Variants in PSTPIP1 observed in about 807,000 individuals in gnomAD.
PSTPIP1 encodes proline-serine-threonine phosphatase interacting protein 1, also known as proline-serine-threonine phosphatase-interacting protein 1.
PSTPIP1 carries 66 observed loss-of-function variants against 69.6 expected under a neutral mutation model. That is an observed-to-expected ratio of 0.95 (90% CI 0.78 to 1.16). The LOEUF is 1.16. Among genes scored for constraint, PSTPIP1 ranks in the 50% most tolerant of loss-of-function variants. The probability of loss-of-function intolerance (pLI) is 0.00; values close to 1 mark genes in which losing one functional copy is unlikely to be tolerated. For missense variants in PSTPIP1, 603 were observed against 557.4 expected, an observed-to-expected ratio of 1.08 and a Z score of -0.82; for synonymous variants, 266 against 222.7, an observed-to-expected ratio of 1.19 and a Z score of -1.73.
chr15:77,029,430 AG>A, intron 7 of PSTPIP1, 98 bp from the exon 8 acceptor site: 1 of 1,396,580 alleles, frequency 7.2e-7, no homozygotes, highest in Non-Finnish European at 9.9e-7. Context: ...TGTTCCCCCC[AG>A]GGTGGCCGGG....
chr15:77,000,488 CACACACACACACACAT>C (rs2075684137), intron 1 of PSTPIP1, among the ~76,000 whole-genome samples: 1 of 148,344 alleles, frequency 6.7e-6, no homozygotes, highest in Non-Finnish European at 1.5e-5. Flanking sequence ...CACACACACA[CACACACACACACACAT>C]ACACACACAC....
chr15:77,023,601 G>A (rs1350102848), intron 3 of PSTPIP1: 2 of 152,668 alleles, frequency 1.3e-5, no homozygotes. Context: ...GCCAAGAGGG[G>A]AGCCCTGGAA....
rs149195362 is a variant in PSTPIP1 at position 77,032,393 on chromosome 15, C to A, written c.837C>A (p.Pro279=). The change falls in exon 11 of 15, where the codon CCC becomes CCA. Residue 279 remains proline, a splice_region_variant and synonymous_variant. Transcript: ENST00000558012. ...CCAAGAGCACGGGCACAGAGCCCCC[C>A]GGTGAGGTCCGGCTTGCGGACAGCG... The part of the protein sequence containing the change: ...IQAKSTGTEP[P]APVPYQNYYD... 6.2e-7 allele frequency: 1 copy of A among 1,612,616 alleles called. No individual in the cohort carries two copies.
At chr15:77,005,041 T>C (rs890168407) in intron 1 of PSTPIP1, among the ~76,000 whole-genome samples, 4 of 152,156 alleles carry the variant, frequency 2.6e-5, no homozygotes, top group African/African-American at 9.7e-5. Context: ...AGTGCCTCCA[T>C]GTGGAACTTT....
chr15:77,024,026 G>T (rs763610165), intron 3 of PSTPIP1: 1 of 152,602 alleles, frequency 6.6e-6, no homozygotes, highest in Non-Finnish European at 1.5e-5. Flanking sequence ...GGCCACGGGC[G>T]CAGCTCCTTC....
rs982226275 is a variant in PSTPIP1 at position 77,032,312 on chromosome 15, G to T, written c.756G>T (p.Val252=). Reference sequence around the variant, plus strand: ...TCCTGCCCCAGCTCTACGAGGAAGTGCGGCTGACGCTGGAAGGCTGCAGCA... The same window carrying T: ...TCCTGCCCCAGCTCTACGAGGAAGTTCGGCTGACGCTGGAAGGCTGCAGCA... ...CVKDDELYEE[V]RLTLEGCSID... The change falls in exon 11 of 15, where the codon GTG becomes GTT. Residue 252 remains valine, a synonymous_variant. Transcript: ENST00000558012. 5.0e-6 allele frequency: 8 copies of T among 1,612,464 alleles called. No individual in the cohort carries two copies. The highest frequency in any genetic ancestry group is 1.3e-5 in the African/African-American group (1 of 74,940).
At chr15:77,035,333 G>GC (rs1417262462) in intron 12 of PSTPIP1, among the ~76,000 whole-genome samples, 175 bp from the exon 13 acceptor site, 1 of 152,174 alleles carries the variant, frequency 6.6e-6, no homozygotes, top group African/African-American at 2.4e-5. Flanking sequence ...TTTCTGGGGA[G>GC]CCCTCCTGCC....
At chr15:77,029,455 C>T in intron 7 of PSTPIP1, 74 bp from the exon 8 acceptor site, 1 of 1,513,854 alleles carries the variant, frequency 6.6e-7, no homozygotes, top group South Asian at 1.2e-5. Context: ...GCTTGACAGT[C>T]ACTTCAGGTC....
chr15:77,022,470 C>T (rs2076181156), intron 3 of PSTPIP1, among the ~76,000 whole-genome samples: 1 of 152,222 alleles, frequency 6.6e-6, no homozygotes, highest in South Asian at 2.1e-4. Flanking sequence ...TAGGCAGAGG[C>T]CTGTGCAGGA....
At chr15:77,009,906 G>A (rs896135853) in intron 1 of PSTPIP1, among the ~76,000 whole-genome samples, 7 of 152,302 alleles carry the variant, frequency 4.6e-5, no homozygotes, top group African/African-American at 1.2e-4. Flanking sequence ...GCCTGGGGAC[G>A]GGGATGTGCA....
At chr15:77,004,858 C>T (rs1462483790) in intron 1 of PSTPIP1, among the ~76,000 whole-genome samples, 1 of 149,142 alleles carries the variant, frequency 6.7e-6, no homozygotes, top group Non-Finnish European at 1.5e-5. Context: ...AAGACTGTCT[C>T]AAAACAAACA....
At position 77,028,723 on chromosome 15, in the gene PSTPIP1, C is replaced by T. The variant is rs2152686190; in HGVS notation, c.516+71C>T. On this transcript the variant is annotated intron_variant, in intron 7 of 14. Transcript: ENST00000558012. The stretch of plus-strand genomic sequence containing the variant: ...AGTGGGGGAGGCAAGGAAGGGGTGC[C>T]GTAGACACCCCCAGGCAAGATCTGC... 7 of 1,281,658 alleles carry T rather than the reference C, an allele frequency of 5.5e-6. No homozygotes were observed. In the East Asian group the frequency reaches 8.5e-5, roughly 16 times the overall value. The allele number at this position is 1,281,658 out of a possible 1,614,324, so 79.4% of individuals were successfully genotyped here.
chr15:77,016,065 T>C (rs1267238761), intron 1 of PSTPIP1: 2 of 455,958 alleles, frequency 4.4e-6, no homozygotes, highest in Non-Finnish European at 8.8e-6. Flanking sequence ...TCCCTTGGCG[T>C]CAGGGCTGGG....
In PSTPIP1 at chr15:77,030,348, G is replaced by A. The variant is rs547779768; in HGVS notation, c.563-154G>A. Among the ~76,000 whole-genome samples, 4 of 152,354 alleles carry A rather than the reference G, an allele frequency of 2.6e-5. 1 individual carries two copies. The highest frequency in any genetic ancestry group is 4.1e-4 in the South Asian group (2 of 4,832). ...CAGCACCAGCGTGGGTGGCCCTGAC[G>A]GGCATTCAGATGAGGCCCCGCCATC... On this transcript the variant is annotated intron_variant, in intron 8 of 14. Transcript: ENST00000558012.
chr15:77,028,208 CTGCGAGACGCTGGACA>C (rs1200639264), intron 6 of PSTPIP1: 2 of 518,790 alleles, frequency 3.9e-6, no homozygotes, highest in Non-Finnish European at 7.0e-6. Context: ...GAGCTTGATC[CTGCGAGACGCTGGACA>C]GGAAGGGAGA....
intron 8 of PSTPIP1, 86 bp from the exon 9 acceptor site, chr15:77,030,416 A>T: frequency 7.2e-7 from 1 of 1,391,470 alleles, no homozygotes; most frequent in Non-Finnish European, 1.0e-6. Flanking sequence ...TCCCAGTGGG[A>T]GGAGGCATCC....
chr15:77,012,128 TCC>T (rs2075948125), intron 1 of PSTPIP1, among the ~76,000 whole-genome samples: 1 of 109,462 alleles, frequency 9.1e-6, no homozygotes, highest in South Asian at 3.5e-4. Flanking sequence ...CATCCATCCA[TCC>T]ATCCATCCAT....
chr15:77,005,682 C>A (rs2075801498), intron 1 of PSTPIP1, among the ~76,000 whole-genome samples: 1 of 152,206 alleles, frequency 6.6e-6, no homozygotes, highest in African/African-American at 2.4e-5. Flanking sequence ...CTCGATTCTA[C>A]TTTCTAGCTC....
chr15:77,030,660 G>A, intron 9 of PSTPIP1, 79 bp downstream of exon 9: 2 of 1,388,896 alleles, frequency 1.4e-6, no homozygotes, highest in East Asian at 2.5e-5. Flanking sequence ...TGCTTAAAGG[G>A]GCCCAAGTGA....
Sources: allele counts gnomAD v4.1 joint callset (sites outside exome capture counted in the v4.1 genomes callset), GRCh38; gene constraint gnomAD v4.1.1; transcripts MANE v1.5; gene names NCBI Gene and HGNC (gene_info 2026-07-23, HGNC 2026-07-21).